ADGRB3: variants seen among roughly 807,000 people sequenced by gnomAD.
The protein encoded by ADGRB3 is brain-specific angiogenesis inhibitor 3.
Under a neutral mutation model 193.4 loss-of-function variants are expected in ADGRB3, and 37 were observed. The ratio of observed to expected loss-of-function variants is 0.19; its 90% CI spans 0.15 to 0.25. ADGRB3 has a LOEUF of 0.25. ADGRB3 is among the 10% of genes least tolerant of loss of function. The pLI, the probability that ADGRB3 is intolerant of heterozygous loss-of-function variation, is 1.00. For missense variants in ADGRB3, 1,637 were observed against 1,852.9 expected, an observed-to-expected ratio of 0.88 and a Z score of 2.14; for synonymous variants, 690 against 644.2, an observed-to-expected ratio of 1.07 and a Z score of -1.08.
intron 17 of ADGRB3, among the ~76,000 whole-genome samples, chr6:69,094,421 T>C (rs1304512098): frequency 6.6e-6 from 1 of 152,258 alleles, no homozygotes; most frequent in African/African-American, 2.4e-5. Context: ...AAGGTGCTTG[T>C]AGTGATGTTA....
chr6:69,226,734 T>C (rs1343677873), intron 17 of ADGRB3, among the ~76,000 whole-genome samples: 2 of 152,224 alleles, frequency 1.3e-5, no homozygotes, highest in African/African-American at 4.8e-5. Context: ...TCTGGTATAA[T>C]TAAAGAGGCT....
At chr6:69,097,849 G>A (rs760907898) in intron 17 of ADGRB3, among the ~76,000 whole-genome samples, 25 of 151,940 alleles carry the variant, frequency 1.6e-4, no homozygotes, top group Non-Finnish European at 2.2e-4. Context: ...TCCTTCAAGA[G>A]ACACAAGGAA....
intron 17 of ADGRB3, among the ~76,000 whole-genome samples, chr6:69,171,475 G>A (rs753888405): frequency 4.3e-4 from 65 of 152,308 alleles, no homozygotes; most frequent in Admixed American, 5.9e-4. Flanking sequence ...GCTCCTACCC[G>A]TAGTCCATTT....
intron 20 of ADGRB3, among the ~76,000 whole-genome samples, chr6:69,240,345 C>A (rs1017257594): frequency 4.6e-5 from 7 of 152,022 alleles, no homozygotes; most frequent in African/African-American, 1.7e-4. Flanking sequence ...AAATGACAAC[C>A]CCATCAAGGG....
At chr6:68,868,251 A>G (rs1037739730) in intron 3 of ADGRB3, among the ~76,000 whole-genome samples, 1 of 152,074 alleles carries the variant, frequency 6.6e-6, no homozygotes, top group East Asian at 1.9e-4. Flanking sequence ...ATGAGATCTA[A>G]TGGTTTAAAA....
intron 17 of ADGRB3, among the ~76,000 whole-genome samples, chr6:69,165,040 T>G (rs1775096112): frequency 6.6e-6 from 1 of 151,950 alleles, no homozygotes; most frequent in African/African-American, 2.4e-5. Flanking sequence ...GTCTCCTTAC[T>G]GCTCACTCCA....
chr6:68,782,594 G>A (rs201379232), intron 3 of ADGRB3, among the ~76,000 whole-genome samples: 1 of 152,216 alleles, frequency 6.6e-6, no homozygotes, highest in East Asian at 1.9e-4. Context: ...CACCAACAGT[G>A]CAGAAGTGTT....
intron 20 of ADGRB3, among the ~76,000 whole-genome samples, chr6:69,288,034 A>ACTTTTT (rs1767588889): frequency 6.7e-6 from 1 of 148,228 alleles, no homozygotes; most frequent in Non-Finnish European, 1.5e-5. Flanking sequence ...AACTTGTTTC[A>ACTTTTT]TTTTTTTTTT....
chr6:69,076,378 C>A (rs1772233399), intron 17 of ADGRB3, among the ~76,000 whole-genome samples: 1 of 151,994 alleles, frequency 6.6e-6, no homozygotes, highest in African/African-American at 2.4e-5. Context: ...CTTAGCATTG[C>A]AGAATAAAAT....
chr6:69,110,399 T>C (rs1456538249), intron 17 of ADGRB3, among the ~76,000 whole-genome samples: 1 of 152,198 alleles, frequency 6.6e-6, no homozygotes, highest in Admixed American at 6.5e-5. Context: ...GAACAATTTA[T>C]GATTGCCTAG....
intron 3 of ADGRB3, among the ~76,000 whole-genome samples, chr6:68,888,111 G>A (rs12209015): frequency 0.14 from 20,755 of 152,102 alleles, 1,833 homozygotes; most frequent in Middle Eastern, 0.2. Context: ...AGTAAAGGAT[G>A]AGGGACAATT....
At chr6:68,777,988 T>G (rs9346240) in intron 3 of ADGRB3, among the ~76,000 whole-genome samples, 84,965 of 151,876 alleles carry the variant, frequency 0.56, 24,568 homozygotes, top group East Asian at 0.87. Flanking sequence ...CAAAGCCTGT[T>G]GATGCCAATG....
intron 17 of ADGRB3, among the ~76,000 whole-genome samples, chr6:69,101,296 C>T (rs1240911616): frequency 2.0e-5 from 3 of 152,036 alleles, no homozygotes; most frequent in African/African-American, 7.3e-5. Flanking sequence ...CTTCCGAGCT[C>T]TATAATGTAG....
intron 17 of ADGRB3, among the ~76,000 whole-genome samples, chr6:69,100,695 T>C (rs1184235718): frequency 6.6e-6 from 1 of 151,552 alleles, no homozygotes; most frequent in East Asian, 2.0e-4. Context: ...CTTAAAAATA[T>C]GTATAATAAT....
chr6:68,769,674 A>G (rs560876980), intron 3 of ADGRB3, among the ~76,000 whole-genome samples: 1 of 152,256 alleles, frequency 6.6e-6, no homozygotes, highest in South Asian at 2.1e-4. Context: ...ATATCCCAAA[A>G]CTTAAAGTAC....
At chr6:68,724,861 A>C (rs574826773) in intron 3 of ADGRB3, among the ~76,000 whole-genome samples, 2 of 151,830 alleles carry the variant, frequency 1.3e-5, no homozygotes, top group South Asian at 4.1e-4. Flanking sequence ...TGGTCTGTGC[A>C]TTTGACAGAA....
chr6:68,888,213 C>G (rs992600022), intron 3 of ADGRB3, among the ~76,000 whole-genome samples: 1 of 152,136 alleles, frequency 6.6e-6, no homozygotes, highest in Non-Finnish European at 1.5e-5. Context: ...AATGTTTATG[C>G]ACAGCACTGA....
intron 3 of ADGRB3, among the ~76,000 whole-genome samples, chr6:68,792,609 A>G (rs962045109): frequency 6.6e-6 from 1 of 152,078 alleles, no homozygotes; most frequent in Admixed American, 6.6e-5. Flanking sequence ...TCCTCCTTCA[A>G]TCTACAATCT....
chr6:68,813,684 C>G (rs1361051538), intron 3 of ADGRB3, among the ~76,000 whole-genome samples: 2 of 151,990 alleles, frequency 1.3e-5, no homozygotes, highest in East Asian at 3.9e-4. Context: ...TTAGGTATAT[C>G]TCCTAATGCT....
Sources: gnomAD v4.1 joint callset for allele counts (sites outside exome capture counted in the v4.1 genomes callset) on GRCh38, gnomAD v4.1.1 for gene constraint, MANE v1.5 for transcripts, NCBI Gene and HGNC (gene_info 2026-07-23, HGNC 2026-07-21) for gene names.